The following PDP2 variants were observed in gnomAD, a reference collection of about 807,000 sequenced individuals.
PDP2 encodes pyruvate dehydrogenase phosphatase catalytic subunit 2.
A neutral mutation model predicts 34.2 loss-of-function variants in PDP2; 23 were observed. The ratio of observed to expected loss-of-function variants is 0.67; its 90% CI spans 0.48 to 0.95. The LOEUF is 0.95. PDP2 is among the 40% of genes least tolerant of loss of function. PDP2 has a pLI of 0.00. For missense variants in PDP2, 571 were observed against 659.6 expected (o/e 0.87, Z 1.47); for synonymous variants, 275 against 269.2 (o/e 1.02, Z -0.21).
chr16:66,881,920 G>A (rs1190345687), intron 1 of PDP2, among the ~76,000 whole-genome samples: 3 of 152,138 alleles, frequency 2.0e-5, no homozygotes, highest in Admixed American at 6.6e-5. Context: ...AGCCTCAAGT[G>A]ATCCTCTTGC....
Position 66,885,067 on chromosome 16 carries a change from G to T in PDP2, c.783G>T (p.Gln261His). ...EDEVTRNLSL[Q>H]VAFSGATACM... ...AGGTGACAAGGAACCTGTCACTCCA[G>T]GTTGCTTTCTCTGGGGCAACAGCTT... is the stretch of plus-strand genomic sequence containing the variant. The change falls in exon 2 of 2, where the codon CAG becomes CAT. Residue 261 changes from glutamine to histidine, a missense_variant. Physicochemically the swap from Gln to His is conservative, Grantham distance 24 (BLOSUM62 0). Around this residue, in one of 2 missense-constraint regions of PDP2, gnomAD observed 281 missense variants for 375.8 expected, o/e 0.75. Transcript: ENST00000311765. The surrounding 1 kb of genome is among the most constrained non-coding windows in gnomAD (Gnocchi z 4.6). 3.7e-6 allele frequency: 6 copies of T among 1,613,952 alleles called. No individual in the cohort carries two copies. Among genetic ancestry groups the T allele is most frequent in the Non-Finnish European group, 5.1e-6 (6 of 1,180,040 alleles).
Position 66,884,190 on chromosome 16 carries a change from A to G in PDP2, c.-54-41A>G, listed in dbSNP as rs574676255. 5.1e-4 allele frequency: 634 copies of G among 1,238,808 alleles called. 3 individuals are homozygous for G. In the South Asian group the frequency reaches 6.6e-3, roughly 13 times the overall value. The allele number at this position is 1,238,808 out of a possible 1,614,324, so 76.7% of individuals were successfully genotyped here. On this transcript the variant is annotated intron_variant, in intron 1 of 1. Coordinates refer to ENST00000311765, the MANE Select transcript of PDP2 (RefSeq NM_020786.4). ...CTACGTCTCAAAAAAAAAAAAAAAAAAAAGAAATTAAATTTGAAACTTCAA... is the reference window on the plus strand; with the variant it reads ...CTACGTCTCAAAAAAAAAAAAAAAAGAAAGAAATTAAATTTGAAACTTCAA...
rs1456890366 is a variant in PDP2, at chr16:66,889,123, C to T, written c.*3249C>T. 1 of 152,122 alleles carries T rather than the reference C, an allele frequency of 6.6e-6. No individual in the cohort carries two copies. Among genetic ancestry groups the T allele is most frequent in the Non-Finnish European group, 1.5e-5 (1 of 68,022 alleles). The allele number at this position is 152,122 out of a possible 1,614,324, so 9.4% of individuals were successfully genotyped here. A position where few individuals can be genotyped will look rare whatever the true frequency, so the allele number is the denominator to read the frequency against. On this transcript the variant is annotated 3_prime_UTR_variant, in exon 2 of 2. Coordinates refer to ENST00000311765, the MANE Select transcript of PDP2 (RefSeq NM_020786.4). ...GTTTAGTGGTAATTGTCAGGTCTTT[C>T]AAAGCATTTATTATTCCTTTTATAC...
At position 66,885,854 on chromosome 16, in the gene PDP2, G is replaced by A. The variant is rs1054096860; in HGVS notation, c.1570G>A (p.Ala524Thr). Residue 524 changes from alanine to threonine, a missense_variant, in exon 2 of 2, where the codon GCA (alanine) becomes ACA (threonine). Around this residue, in one of 2 missense-constraint regions of PDP2, gnomAD observed 281 missense variants for 375.8 expected, o/e 0.75. Coordinates refer to ENST00000311765, the MANE Select transcript of PDP2 (RefSeq NM_020786.4). This position sits in a 1 kb window ranked among gnomAD's most constrained non-coding sequence, Gnocchi z 4.6. ...VVYFNSESIG[A>T]YYKGG is the part of the protein sequence containing the mutation. ...GTATTTTAACTCAGAATCAATCGGT[G>A]CATATTACAAGGGGGGTTAAGAATC... 1 of 1,605,128 alleles carries A rather than the reference G, an allele frequency of 6.2e-7. No homozygotes were observed. Among genetic ancestry groups the A allele is most frequent in the African/African-American group, 1.3e-5 (1 of 74,924 alleles).
Position 66,885,663 on chromosome 16 carries a change from C to G in PDP2, c.1379C>G (p.Ala460Gly). The change falls in exon 2 of 2, where the codon GCC (alanine) becomes GGC (glycine). Residue 460 changes from alanine (A) to glycine (G), a missense_variant. Physicochemically the swap from Ala to Gly is moderately conservative, Grantham distance 60 (BLOSUM62 0). This residue lies in a region of PDP2 where 281 missense variants were observed against 375.8 expected (regional missense o/e 0.75). Coordinates refer to ENST00000311765, the MANE Select transcript of PDP2 (RefSeq NM_020786.4). The surrounding 1 kb of genome is among the most constrained non-coding windows in gnomAD (Gnocchi z 4.6). ...CAGAGCCTGCTGCTGCAGAGGAAAGCCAGCGGGCTCCACGAGGCTGACCAA... is the reference window on the plus strand; with the variant it reads ...CAGAGCCTGCTGCTGCAGAGGAAAGGCAGCGGGCTCCACGAGGCTGACCAA... ...LMQSLLLQRK[A>G]SGLHEADQNA... 1.9e-6 allele frequency: 3 copies of G among 1,614,050 alleles called. No homozygotes were observed. Among genetic ancestry groups the G allele is most frequent in the Non-Finnish European group, 2.5e-6 (3 of 1,180,000 alleles).
rs1961733027 is a variant in PDP2, at chr16:66,885,679, G to A, written c.1395G>A (p.Glu465=). 4.3e-6 allele frequency: 7 copies of A among 1,613,976 alleles called. No individual in the cohort carries two copies. Among genetic ancestry groups the A allele is most frequent in the South Asian group, 1.1e-5 (1 of 91,086 alleles). The change falls in exon 2 of 2, where the codon GAG becomes GAA. Residue 465 remains glutamate (E), a synonymous_variant. Coordinates refer to ENST00000311765, the MANE Select transcript of PDP2 (RefSeq NM_020786.4). This position sits in a 1 kb window ranked among gnomAD's most constrained non-coding sequence, Gnocchi z 4.6. ...LLQRKASGLH[E]ADQNAATRLI... is the part of the protein sequence containing the mutation. ...AGAGGAAAGCCAGCGGGCTCCACGA[G>A]GCTGACCAAAATGCAGCCACGCGGC...
rs1422115669 is a variant in PDP2, at chr16:66,880,650, G to A, written c.-55+10G>A. 6.6e-6 allele frequency: 1 copy of A among 152,408 alleles called. No homozygotes were observed. Among genetic ancestry groups the A allele is most frequent in the Non-Finnish European group, 1.5e-5 (1 of 68,230 alleles). The allele number at this position is 152,408 out of a possible 1,614,324, so 9.4% of individuals were successfully genotyped here. A position where few individuals can be genotyped will look rare whatever the true frequency, so the allele number is the denominator to read the frequency against. ...GTGGCCTCGCCAGCTGGTGAGAAGCGGGCGAGGGTCCGAGGTAGGGAAGGT... is the reference window on the plus strand; with the variant it reads ...GTGGCCTCGCCAGCTGGTGAGAAGCAGGCGAGGGTCCGAGGTAGGGAAGGT... On this transcript the variant is annotated intron_variant, in intron 1 of 1. Coordinates refer to ENST00000311765, the MANE Select transcript of PDP2 (RefSeq NM_020786.4).
At chr16:66,881,755 A>ACT (rs927783095) in intron 1 of PDP2, among the ~76,000 whole-genome samples, 4 of 152,068 alleles carry the variant, frequency 2.6e-5, no homozygotes, top group African/African-American at 9.7e-5. Context: ...ATCATAGCTC[A>ACT]CTGCAGTCTT....
At position 66,886,140 on chromosome 16, in the gene PDP2, C is replaced by T; in HGVS notation, c.*266C>T. 1 of 396,464 alleles carries T rather than the reference C, an allele frequency of 2.5e-6. No homozygotes were observed. The highest frequency in any genetic ancestry group is 4.8e-6 in the Non-Finnish European group (1 of 209,166). 24.6% of individuals were successfully genotyped at this position (396,464 alleles called of 1,614,324 possible). On this transcript the variant is annotated 3_prime_UTR_variant, in exon 2 of 2. Transcript: ENST00000311765. The stretch of plus-strand genomic sequence containing the variant: ...ATAGAATTGGCTTGGGCTTGTGTAG[C>T]CCCAGTCATTTGATAAAGATGTTGT...
chr16:66,882,380 G>A (rs1392138514), intron 1 of PDP2, among the ~76,000 whole-genome samples: 1 of 151,994 alleles, frequency 6.6e-6, no homozygotes, highest in Non-Finnish European at 1.5e-5. Flanking sequence ...AGGCTGCAGT[G>A]AGCCACGATC....
rs1207129406 is a variant in PDP2, at chr16:66,888,567, C to G, written c.*2693C>G. The G allele has an allele frequency of 6.6e-6, 1 of 151,976 alleles. No homozygotes were observed. Among genetic ancestry groups the G allele is most frequent in the African/African-American group, 2.4e-5 (1 of 41,366 alleles). 9.4% of individuals were successfully genotyped at this position (151,976 alleles called of 1,614,324 possible). On this transcript the variant is annotated 3_prime_UTR_variant, in exon 2 of 2. Coordinates refer to ENST00000311765, the MANE Select transcript of PDP2 (RefSeq NM_020786.4). The stretch of plus-strand genomic sequence containing the variant: ...CTCCTGGACTCCAATGTTCCCTCCC[C>G]TTTTAGCCTCCCAAGTAGCTGGGTC...
intron 1 of PDP2, 51 bp from the exon 2 acceptor site, chr16:66,884,173 CAAAAAAA>C (rs575688634): frequency 3.3e-5 from 21 of 642,478 alleles, no homozygotes; most frequent in Non-Finnish European, 3.8e-5. Flanking sequence ...GACTACGTCT[CAAAAAAA>C]AAAAAAAAAA....
At chr16:66,881,667 TG>T (rs1166339246) in intron 1 of PDP2, among the ~76,000 whole-genome samples, 1 of 152,056 alleles carries the variant, frequency 6.6e-6, no homozygotes, top group Non-Finnish European at 1.5e-5. Flanking sequence ...CAGTACAGTT[TG>T]GTGGGGTTTT....
chr16:66,884,355 G>A lies in PDP2; in HGVS notation c.71G>A (p.Arg24Lys), dbSNP rs1194088530. The change falls in exon 2 of 2, where the codon AGA becomes AAA. Residue 24 changes from arginine (R) to lysine (K), a missense_variant. Physicochemically the swap from Arg to Lys is conservative, Grantham distance 26. Transcript: ENST00000311765. Reference sequence around the variant, plus strand: ...AGCATTGCCACATTGCAAGGGGGTAGACGCTTATACTCCAGGTATGTCTCA... The same window carrying A: ...AGCATTGCCACATTGCAAGGGGGTAAACGCTTATACTCCAGGTATGTCTCA... ...RNSIATLQGG[R>K]RLYSRYVSNR... 1.2e-6 allele frequency: 2 copies of A among 1,613,780 alleles called. No homozygotes were observed. Among genetic ancestry groups the A allele is most frequent in the Non-Finnish European group, 1.7e-6 (2 of 1,179,816 alleles).
Position 66,885,394 on chromosome 16 carries a change from C to T in PDP2, c.1110C>T (p.Thr370=), listed in dbSNP as rs1156766505. 1.1e-5 allele frequency: 18 copies of T among 1,613,922 alleles called. No homozygotes were observed. Among genetic ancestry groups the T allele is most frequent in the East Asian group, 2.2e-5 (1 of 44,884 alleles). The change falls in exon 2 of 2, where the codon ACC becomes ACT. Residue 370 remains threonine (T), a synonymous_variant. Coordinates refer to ENST00000311765, the MANE Select transcript of PDP2 (RefSeq NM_020786.4). The surrounding 1 kb of genome is among the most constrained non-coding windows in gnomAD (Gnocchi z 4.6). ...GCATTCTGGAGAGGGGCTTCAATAC[C>T]GAGGCCCTCAACATTTACCAGTTCA... is the stretch of plus-strand genomic sequence containing the variant. ...QRSILERGFN[T]EALNIYQFTP... is the part of the protein sequence containing the mutation.
rs193151255 is a variant in PDP2 at position 66,890,619 on chromosome 16, C to A, written c.*4745C>A. 6.6e-6 allele frequency: 1 copy of A among 152,216 alleles called. No homozygotes were observed. Among genetic ancestry groups the A allele is most frequent in the Admixed American group, 6.5e-5 (1 of 15,282 alleles). 9.4% of individuals were successfully genotyped at this position (152,216 alleles called of 1,614,324 possible). A position where few individuals can be genotyped will look rare whatever the true frequency, so the allele number is the denominator to read the frequency against. On this transcript the variant is annotated 3_prime_UTR_variant, in exon 2 of 2. Coordinates refer to ENST00000311765, the MANE Select transcript of PDP2 (RefSeq NM_020786.4). ...TGTGTTTAGAGTGACTCTGGCCTGACTCTTGTCCATCAGCCCCTAGTAGCC... is the reference window on the plus strand; with the variant it reads ...TGTGTTTAGAGTGACTCTGGCCTGAATCTTGTCCATCAGCCCCTAGTAGCC...
In PDP2 at chr16:66,884,116, G is replaced by A. The variant is rs965299346; in HGVS notation, c.-54-115G>A. ...ATGAACCTGGGAGGCGGAGCTTGCAGTGAGCAGAGATCACACCACTGCACT... is the reference window on the plus strand; with the variant it reads ...ATGAACCTGGGAGGCGGAGCTTGCAATGAGCAGAGATCACACCACTGCACT... On this transcript the variant is annotated intron_variant, in intron 1 of 1. Transcript: ENST00000311765. 14 of 529,268 alleles carry A rather than the reference G, an allele frequency of 2.6e-5. No individual in the cohort carries two copies. In the African/African-American group the frequency reaches 2.8e-4, roughly 11 times the overall value. The allele number at this position is 529,268 out of a possible 1,614,324, so 32.8% of individuals were successfully genotyped here.
rs1286762521 is a variant in PDP2, at chr16:66,886,007, G to A, written c.*133G>A. On this transcript the variant is annotated 3_prime_UTR_variant, in exon 2 of 2. Transcript: ENST00000311765. ...AATTTGCTAAATAGACTAACAGGAGGAAAAAAACAAACAGCCTAGCTTTAA... is the reference window on the plus strand; with the variant it reads ...AATTTGCTAAATAGACTAACAGGAGAAAAAAAACAAACAGCCTAGCTTTAA... 2 of 882,546 alleles carry A rather than the reference G, an allele frequency of 2.3e-6. No homozygotes were observed. The highest frequency in any genetic ancestry group is 5.0e-5 in the East Asian group (2 of 39,634). The allele number at this position is 882,546 out of a possible 1,614,324, so 54.7% of individuals were successfully genotyped here. A position where few individuals can be genotyped will look rare whatever the true frequency, so the allele number is the denominator to read the frequency against.
rs1363811550 is a variant in PDP2 at position 66,880,576 on chromosome 16, T to C, written c.-119T>C. The C allele has an allele frequency of 6.6e-6, 1 of 152,582 alleles. No individual in the cohort carries two copies. The highest frequency in any genetic ancestry group is 1.5e-5 in the Non-Finnish European group (1 of 68,368). 9.5% of individuals were successfully genotyped at this position (152,582 alleles called of 1,614,324 possible). A position where few individuals can be genotyped will look rare whatever the true frequency, so the allele number is the denominator to read the frequency against. On this transcript the variant is annotated 5_prime_UTR_variant, in exon 1 of 2. Coordinates refer to ENST00000311765, the MANE Select transcript of PDP2 (RefSeq NM_020786.4). ...TGAGGTGAGGACCTGGTGGCCGCAGTTGTGGCACTGTGCGCAGGCGCTGAA... is the reference window on the plus strand; with the variant it reads ...TGAGGTGAGGACCTGGTGGCCGCAGCTGTGGCACTGTGCGCAGGCGCTGAA...
Sources: allele counts gnomAD v4.1 joint callset (sites outside exome capture counted in the v4.1 genomes callset), GRCh38; gene constraint gnomAD v4.1.1; regional missense constraint gnomAD v4.1.1; non-coding constraint Gnocchi (gnomAD v3.1); transcripts MANE v1.5; gene names NCBI Gene and HGNC (gene_info 2026-07-23, HGNC 2026-07-21).